Variants in CENPP observed in about 807,000 individuals in gnomAD.
The protein encoded by CENPP is centromere protein P.
In CENPP, 24 loss-of-function variants were observed where a neutral mutation model predicts 35.6. That is an observed-to-expected ratio of 0.67 (90% CI 0.49 to 0.95). The LOEUF (loss-of-function observed/expected upper bound fraction) is 0.95, where lower values mean the gene tolerates loss of function less well. Among genes scored for constraint, CENPP ranks in the 40% least tolerant of loss-of-function variants. The pLI, the probability that CENPP is intolerant of heterozygous loss-of-function variation, is 0.00. For synonymous variants in CENPP, 120 were observed against 125.5 expected (o/e 0.96, Z 0.29); for missense variants, 332 against 345.3 (o/e 0.96, Z 0.31).
intron 5 of CENPP, among the ~76,000 whole-genome samples, chr9:92,388,442 G>A (rs896258670): frequency 7.9e-5 from 12 of 152,018 alleles, no homozygotes; most frequent in Admixed American, 6.6e-4. Context: ...GATTATAGGC[G>A]TGAGCCACTG....
intron 5 of CENPP, among the ~76,000 whole-genome samples, chr9:92,464,296 G>T (rs1326675256): frequency 6.6e-6 from 1 of 152,222 alleles, no homozygotes; most frequent in East Asian, 1.9e-4. Flanking sequence ...TGAGGTGCTA[G>T]CCTTGGGTCA....
At position 92,439,513 on chromosome 9, in the gene CENPP, C is replaced by G. The variant is rs905955776; in HGVS notation, c.564+59654C>G. Among the ~76,000 whole-genome samples the G allele has an allele frequency of 2.6e-5, 4 of 152,150 alleles. No homozygotes were observed. The South Asian group carries it at 8.3e-4, about 32-fold the overall frequency. Reference sequence around the variant, plus strand: ...GCTGACCAGCATGGGAGGCCCTGGCCACAGCTTTTCATGAGTTGGTGGTCT... The same window carrying G: ...GCTGACCAGCATGGGAGGCCCTGGCGACAGCTTTTCATGAGTTGGTGGTCT... On this transcript the variant is annotated intron_variant, in intron 5 of 7. Transcript: ENST00000375587.
chr9:92,460,174 A>T (rs1179781821), intron 5 of CENPP, among the ~76,000 whole-genome samples: 7 of 150,290 alleles, frequency 4.7e-5, no homozygotes. Flanking sequence ...AGCTGGGATT[A>T]CAGGCGCCCT....
At chr9:92,511,619 A>C (rs1306743789) in intron 5 of CENPP, among the ~76,000 whole-genome samples, 7 of 152,056 alleles carry the variant, frequency 4.6e-5, no homozygotes, top group African/African-American at 7.2e-5. Context: ...TGCACACACA[A>C]AAAAAGGAAG....
intron 5 of CENPP, among the ~76,000 whole-genome samples, chr9:92,575,088 A>G (rs753492272): frequency 3.3e-5 from 5 of 152,236 alleles, no homozygotes; most frequent in Admixed American, 1.3e-4. Context: ...ACCTACATGT[A>G]AAACCTAAAA....
chr9:92,382,999 C>T (rs1317799392), intron 5 of CENPP, among the ~76,000 whole-genome samples: 3 of 148,712 alleles, frequency 2.0e-5, no homozygotes, highest in African/African-American at 5.0e-5. Flanking sequence ...CCTGGTCAAG[C>T]GATTCTCCTG....
At chr9:92,390,685 C>CA (rs1182362917) in intron 5 of CENPP, among the ~76,000 whole-genome samples, 1 of 152,124 alleles carries the variant, frequency 6.6e-6, no homozygotes, top group East Asian at 1.9e-4. Context: ...AAAATTACCA[C>CA]AAGTGTTGAA....
intron 4 of CENPP, among the ~76,000 whole-genome samples, chr9:92,378,178 G>C (rs1024287224): frequency 5.9e-5 from 9 of 152,126 alleles, no homozygotes; most frequent in African/African-American, 1.9e-4. Flanking sequence ...TGCTTTGCCT[G>C]CTTTTCTTAT....
intron 5 of CENPP, among the ~76,000 whole-genome samples, chr9:92,561,700 G>C (rs981204070): frequency 1.3e-5 from 2 of 152,170 alleles, no homozygotes; most frequent in African/African-American, 4.8e-5. Context: ...AGTAACCTAA[G>C]AGTAGACATT....
At chr9:92,475,029 G>C (rs1235055409) in intron 5 of CENPP, 3 of 1,193,486 alleles carry the variant, frequency 2.5e-6, no homozygotes, top group Non-Finnish European at 3.3e-6. Context: ...TTAATCCATT[G>C]CTTAGCTAAT....
At chr9:92,502,085 G>A (rs1846713632) in intron 5 of CENPP, among the ~76,000 whole-genome samples, 1 of 152,212 alleles carries the variant, frequency 6.6e-6, no homozygotes, top group Non-Finnish European at 1.5e-5. Flanking sequence ...AAGGAGTATG[G>A]CAGATTTCTT....
At chr9:92,415,850 T>A (rs965545224) in intron 5 of CENPP, among the ~76,000 whole-genome samples, 189 of 146,044 alleles carry the variant, frequency 1.3e-3, no homozygotes, top group East Asian at 8.3e-3. Flanking sequence ...TATAAAAAAA[T>A]ATATATATAT....
At chr9:92,336,891 G>A (rs1015476524) in intron 2 of CENPP, among the ~76,000 whole-genome samples, 5 of 152,136 alleles carry the variant, frequency 3.3e-5, no homozygotes, top group Admixed American at 6.5e-5. Flanking sequence ...AGAGGTGAAC[G>A]CATGGATTCA....
intron 5 of CENPP, among the ~76,000 whole-genome samples, chr9:92,413,027 C>T (rs138941135): frequency 1.4e-5 from 2 of 139,728 alleles, no homozygotes; most frequent in Non-Finnish European, 3.1e-5. Flanking sequence ...TCTTGTTGCC[C>T]AGGCTGGAGT....
chr9:92,389,563 G>A (rs557549935), intron 5 of CENPP: 7 of 219,516 alleles, frequency 3.2e-5, no homozygotes, highest in Non-Finnish European at 5.3e-5. Flanking sequence ...TGTCATGAGA[G>A]GGCCAACCAT....
intron 5 of CENPP, among the ~76,000 whole-genome samples, chr9:92,594,510 C>T (rs1850731736): frequency 6.6e-6 from 1 of 152,196 alleles, no homozygotes; most frequent in Admixed American, 6.5e-5. Flanking sequence ...ACTAGAACTA[C>T]TATGCAAATG....
At position 92,614,042 on chromosome 9, in the gene CENPP, C is replaced by G. The variant is rs1015454310; in HGVS notation, c.*893C>G. 4 of 152,328 alleles carry G rather than the reference C, an allele frequency of 2.6e-5. No homozygotes were observed. The highest frequency in any genetic ancestry group is 9.6e-5 in the African/African-American group (4 of 41,462). The allele number at this position is 152,328 out of a possible 1,614,324, so 9.4% of individuals were successfully genotyped here. Reference sequence around the variant, plus strand: ...CGGGCTGGTGGGAGCCAAGACCAGACAGAGTGGGGGTCTCCATCTGTTTTC... The same window carrying G: ...CGGGCTGGTGGGAGCCAAGACCAGAGAGAGTGGGGGTCTCCATCTGTTTTC... On this transcript the variant is annotated 3_prime_UTR_variant, in exon 8 of 8. Transcript: ENST00000375587.
intron 5 of CENPP, among the ~76,000 whole-genome samples, chr9:92,525,928 A>T (rs1305091496): frequency 6.7e-6 from 1 of 149,348 alleles, no homozygotes; most frequent in African/African-American, 2.5e-5. Flanking sequence ...ACATACAATT[A>T]TGTACAGTAC....
Position 92,469,894 on chromosome 9 carries a change from G to T in CENPP, c.564+90035G>T, listed in dbSNP as rs368070065. Reference sequence around the variant, plus strand: ...GGTTTGTTTTTGTTTTTAAGACAGGGTCTTACTGTGTCACCCAGGCTAGAG... The same window carrying T: ...GGTTTGTTTTTGTTTTTAAGACAGGTTCTTACTGTGTCACCCAGGCTAGAG... On this transcript the variant is annotated intron_variant, in intron 5 of 7. Transcript: ENST00000375587. Among the ~76,000 whole-genome samples, 21 of 152,312 alleles carry T rather than the reference G, an allele frequency of 1.4e-4. No homozygotes were observed. The East Asian group carries it at 2.9e-3, about 21-fold the overall frequency.
Sources: allele counts gnomAD v4.1 joint callset (sites outside exome capture counted in the v4.1 genomes callset), GRCh38; gene constraint gnomAD v4.1.1; transcripts MANE v1.5; gene names NCBI Gene and HGNC (gene_info 2026-07-23, HGNC 2026-07-21).